Variants in SPOCK3 observed in about 807,000 individuals in gnomAD.
The protein encoded by SPOCK3 is testican-3.
A neutral mutation model predicts 56.6 loss-of-function variants in SPOCK3; 30 were observed. The ratio of observed to expected loss-of-function variants is 0.53; its 90% CI spans 0.40 to 0.72. The LOEUF is 0.72. Among genes scored for constraint, SPOCK3 ranks in the 30% least tolerant of loss-of-function variants. The pLI, the probability that SPOCK3 is intolerant of heterozygous loss-of-function variation, is 0.00. For missense variants in SPOCK3, 527 were observed against 530.0 expected (o/e 0.99, Z 0.06); for synonymous variants, 196 against 183.3 (o/e 1.07, Z -0.56).
At chr4:166,993,765 A>G (rs531055511) in intron 4 of SPOCK3, among the ~76,000 whole-genome samples, 10 of 152,192 alleles carry the variant, frequency 6.6e-5, no homozygotes, top group Non-Finnish European at 1.3e-4. Flanking sequence ...CTAACGTGCT[A>G]TGGGCACAAA....
chr4:166,844,489 A>G (rs1747844850), intron 6 of SPOCK3, among the ~76,000 whole-genome samples: 1 of 152,164 alleles, frequency 6.6e-6, no homozygotes, highest in African/African-American at 2.4e-5. Flanking sequence ...ACTCTGAGTA[A>G]AGAAATTACC....
At chr4:166,824,334 G>T (rs763375927) in intron 6 of SPOCK3, among the ~76,000 whole-genome samples, 1 of 152,066 alleles carries the variant, frequency 6.6e-6, no homozygotes, top group South Asian at 2.1e-4. Context: ...GGAACATTGA[G>T]TTACTGAAGC....
chr4:166,917,424 A>C (rs998201253), intron 4 of SPOCK3, among the ~76,000 whole-genome samples: 6 of 152,026 alleles, frequency 3.9e-5, no homozygotes, highest in Non-Finnish European at 8.8e-5. Context: ...CGAGGGAGGG[A>C]TGTGGTTGGA....
At chr4:166,839,591 T>C (rs1013178844) in intron 6 of SPOCK3, among the ~76,000 whole-genome samples, 1 of 152,124 alleles carries the variant, frequency 6.6e-6, no homozygotes, top group African/African-American at 2.4e-5. Flanking sequence ...TGGTAAAGTC[T>C]GTGGCCAGCA....
intron 9 of SPOCK3, among the ~76,000 whole-genome samples, chr4:166,740,593 T>G (rs972553120): frequency 7.9e-5 from 12 of 151,598 alleles, no homozygotes; most frequent in Non-Finnish European, 1.5e-4. Context: ...TGGTGCCATC[T>G]CGGCTCACTG....
At chr4:166,953,687 A>T (rs1460710419) in intron 4 of SPOCK3, among the ~76,000 whole-genome samples, 1 of 152,240 alleles carries the variant, frequency 6.6e-6, no homozygotes, top group Non-Finnish European at 1.5e-5. Flanking sequence ...AACCAACCCA[A>T]ATGTCCAACA....
intron 7 of SPOCK3, among the ~76,000 whole-genome samples, chr4:166,776,933 C>A (rs149128536): frequency 1.3e-5 from 2 of 152,116 alleles, no homozygotes; most frequent in African/African-American, 4.8e-5. Context: ...TAAAATAATT[C>A]CTTTAGGCAG....
chr4:166,822,771 G>A (rs905955950), intron 6 of SPOCK3, among the ~76,000 whole-genome samples: 3 of 151,920 alleles, frequency 2.0e-5, no homozygotes, highest in Non-Finnish European at 4.4e-5. Context: ...AAAAATGTGA[G>A]TAAGTTCTGG....
intron 2 of SPOCK3, among the ~76,000 whole-genome samples, chr4:167,101,713 CTTTTTTT>C (rs34604496): frequency 2.4e-5 from 3 of 126,318 alleles, no homozygotes; most frequent in Admixed American, 1.7e-4. Flanking sequence ...AATTCTTACT[CTTTTTTT>C]TTTTTTTTTT....
At chr4:167,162,811 A>C (rs1225413248) in intron 2 of SPOCK3, among the ~76,000 whole-genome samples, 3 of 152,014 alleles carry the variant, frequency 2.0e-5, no homozygotes, top group Admixed American at 6.6e-5. Flanking sequence ...TTTACCACCA[A>C]ATATGAAGAC....
chr4:167,118,201 A>T (rs888959520), intron 2 of SPOCK3, among the ~76,000 whole-genome samples: 1 of 152,112 alleles, frequency 6.6e-6, no homozygotes, highest in African/African-American at 2.4e-5. Context: ...TGTGTGTATG[A>T]TTATAATTAA....
chr4:166,792,400 G>C, intron 6 of SPOCK3, 111 bp from the exon 7 acceptor site: 1 of 1,141,710 alleles, frequency 8.8e-7, no homozygotes, highest in Non-Finnish European at 1.2e-6. Flanking sequence ...AAAGAAAAAG[G>C]TGTGACTGCA....
At chr4:166,820,357 C>T (rs1744797903) in intron 6 of SPOCK3, among the ~76,000 whole-genome samples, 1 of 151,744 alleles carries the variant, frequency 6.6e-6, no homozygotes, top group Non-Finnish European at 1.5e-5. Flanking sequence ...ATAAACAAAG[C>T]AATGTAGTAC....
rs1170964870 is a variant in SPOCK3, at chr4:166,884,783, T to A, written c.589+4347A>T. Among the ~76,000 whole-genome samples, 5 of 151,922 alleles carry A rather than the reference T, an allele frequency of 3.3e-5. No individual in the cohort carries two copies. In the South Asian group the frequency reaches 1.0e-3, roughly 32 times the overall value. On this transcript the variant is annotated intron_variant, in intron 6 of 10. Coordinates refer to ENST00000357545, the MANE Select transcript of SPOCK3 (RefSeq NM_001040159.2). ...ACCACACAGCAGTGAAGGACTGGAATTCTAAAATTTATACCCTTAATGAAT... is the reference window on the plus strand; with the variant it reads ...ACCACACAGCAGTGAAGGACTGGAAATCTAAAATTTATACCCTTAATGAAT...
chr4:167,164,154 GAAGT>G (rs1765556089), intron 2 of SPOCK3, among the ~76,000 whole-genome samples: 1 of 152,000 alleles, frequency 6.6e-6, no homozygotes, highest in Non-Finnish European at 1.5e-5. Flanking sequence ...TTGGGAATAG[GAAGT>G]TGTGATCAAT....
At chr4:167,217,081 C>T (rs910322895) in intron 2 of SPOCK3, among the ~76,000 whole-genome samples, 5 of 151,964 alleles carry the variant, frequency 3.3e-5, no homozygotes, top group African/African-American at 1.2e-4. Context: ...ATTTGTTAAA[C>T]ACGGTGAAAA....
intron 6 of SPOCK3, among the ~76,000 whole-genome samples, chr4:166,882,331 T>C (rs1245258864): frequency 1.3e-5 from 2 of 152,156 alleles, no homozygotes; most frequent in South Asian, 2.1e-4. Flanking sequence ...TATCTCAACA[T>C]ATCCATTTTA....
intron 3 of SPOCK3, among the ~76,000 whole-genome samples, chr4:167,005,008 A>G (rs1263654967): frequency 1.3e-5 from 2 of 152,162 alleles, no homozygotes; most frequent in Non-Finnish European, 2.9e-5. Flanking sequence ...AAACATAATC[A>G]GTCTTGTAAT....
chr4:167,205,555 A>T (rs1580620557), intron 2 of SPOCK3, among the ~76,000 whole-genome samples: 1 of 71,594 alleles, frequency 1.4e-5, no homozygotes, highest in Non-Finnish European at 2.4e-5. Flanking sequence ...TATATAATAT[A>T]TAATATATAT....
Sources: gnomAD v4.1 joint callset for allele counts (sites outside exome capture counted in the v4.1 genomes callset) on GRCh38, gnomAD v4.1.1 for gene constraint, MANE v1.5 for transcripts, NCBI Gene and HGNC (gene_info 2026-07-23, HGNC 2026-07-21) for gene names.